Variants in ROBO1 observed in about 807,000 individuals in gnomAD.
The protein encoded by ROBO1 is roundabout homolog 1.
In ROBO1, 149 loss-of-function variants were observed where a neutral mutation model predicts 195.9. The observed-to-expected ratio is 0.76, with a 90% CI of 0.67 to 0.87. The LOEUF (loss-of-function observed/expected upper bound fraction) is 0.87. Among genes scored for constraint, ROBO1 ranks in the 40% least tolerant of loss-of-function variants. The pLI, the probability that ROBO1 is intolerant of heterozygous loss-of-function variation, is 0.00. For missense variants in ROBO1, 1,933 were observed against 2,068.3 expected, an observed-to-expected ratio of 0.93 and a Z score of 1.27; for synonymous variants, 816 against 733.2, an observed-to-expected ratio of 1.11 and a Z score of -1.82.
chr3:79,366,604 C>T (rs961575123), intron 2 of ROBO1, among the ~76,000 whole-genome samples: 1 of 152,060 alleles, frequency 6.6e-6, no homozygotes, highest in Non-Finnish European at 1.5e-5. Flanking sequence ...CTCTCTTGGA[C>T]GCAACTCCAA....
intron 2 of ROBO1, among the ~76,000 whole-genome samples, chr3:79,338,011 T>G (rs2109210031): frequency 6.6e-6 from 1 of 152,310 alleles, no homozygotes; most frequent in Middle Eastern, 3.4e-3. Context: ...CAGCAAAACC[T>G]ACAATAAAAA....
At chr3:78,770,344 T>C (rs1345961350) in intron 4 of ROBO1, among the ~76,000 whole-genome samples, 2 of 152,324 alleles carry the variant, frequency 1.3e-5, no homozygotes, top group South Asian at 2.1e-4. Context: ...TGGTATCTCA[T>C]TGTGGTTTTG....
chr3:78,663,420 T>C (rs1707545341), intron 14 of ROBO1, among the ~76,000 whole-genome samples: 1 of 152,130 alleles, frequency 6.6e-6, no homozygotes, highest in African/African-American at 2.4e-5. Context: ...AGGATAACTA[T>C]TATCACAGCC....
At chr3:79,621,572 G>C (rs1450031559) in intron 1 of ROBO1, among the ~76,000 whole-genome samples, 1 of 152,174 alleles carries the variant, frequency 6.6e-6, no homozygotes, top group Non-Finnish European at 1.5e-5. Flanking sequence ...CTTCTGAGTA[G>C]AAACCTTATA....
chr3:78,686,344 C>T (rs1377343868), intron 9 of ROBO1, among the ~76,000 whole-genome samples: 1 of 152,154 alleles, frequency 6.6e-6, no homozygotes, highest in African/African-American at 2.4e-5. Context: ...ATCACGAGGT[C>T]AGGAGATCGA....
chr3:79,588,497 C>T (rs1227791702), intron 2 of ROBO1, among the ~76,000 whole-genome samples: 1 of 151,766 alleles, frequency 6.6e-6, no homozygotes, highest in East Asian at 1.9e-4. Flanking sequence ...TATACCTAGG[C>T]TGTATCTGTA....
chr3:79,204,214 T>G lies in ROBO1; in HGVS notation c.89-78675A>C, dbSNP rs191706643. 3.0e-3 allele frequency among the ~76,000 whole-genome samples: 452 copies of G among 152,302 alleles called. 1 individual carries two copies. Among genetic ancestry groups the G allele is most frequent in the African/African-American group, 0.01 (433 of 41,580 alleles). ...TTCAAACCTCTATTTTTCCTTGTTT[T>G]GGGAACATTACAATTTTTCTCTTAC... On this transcript the variant is annotated intron_variant, in intron 2 of 30. Coordinates refer to ENST00000464233, the MANE Select transcript of ROBO1 (RefSeq NM_002941.4).
chr3:79,234,218 T>A (rs2082370177), intron 2 of ROBO1, among the ~76,000 whole-genome samples: 1 of 152,176 alleles, frequency 6.6e-6, no homozygotes, highest in African/African-American at 2.4e-5. Flanking sequence ...TTTTTGTTTT[T>A]GTTGCAATTG....
At chr3:79,187,799 A>G (rs936263763) in intron 2 of ROBO1, among the ~76,000 whole-genome samples, 3 of 151,970 alleles carry the variant, frequency 2.0e-5, no homozygotes, top group Non-Finnish European at 2.9e-5. Flanking sequence ...ACAAACCTGA[A>G]TTTATTTTAA....
intron 1 of ROBO1, among the ~76,000 whole-genome samples, chr3:79,748,733 T>G (rs1291179309): frequency 6.6e-6 from 1 of 152,116 alleles, no homozygotes; most frequent in African/African-American, 2.4e-5. Context: ...TCGGATGGCT[T>G]TAAAAACAGG....
At chr3:78,737,987 G>A (rs1326024566) in intron 5 of ROBO1, among the ~76,000 whole-genome samples, 2 of 152,146 alleles carry the variant, frequency 1.3e-5, no homozygotes, top group Non-Finnish European at 2.9e-5. Flanking sequence ...TATGACATCA[G>A]CTGTATTAAG....
rs1421702737 is a variant in ROBO1 at position 78,659,810 on chromosome 3, A to G, written c.2321-3T>C. ...ACCTTGGGGTGGGGCACTGGGTGCT[A>G]TTAAATTGTTTTAAAAGGTAGGTTA... On this transcript the variant is annotated splice_polypyrimidine_tract_variant and splice_region_variant and intron_variant, in intron 16 of 30. Coordinates refer to ENST00000464233, the MANE Select transcript of ROBO1 (RefSeq NM_002941.4). The G allele has an allele frequency of 6.3e-7, 1 of 1,599,672 alleles. No individual in the cohort carries two copies. Among genetic ancestry groups the G allele is most frequent in the East Asian group, 2.2e-5 (1 of 44,596 alleles).
rs1288859743 is a variant in ROBO1 at position 79,243,656 on chromosome 3, C to T, written c.89-118117G>A. ...TCTTTTGAGAAGTGTCTGTTCATAT[C>T]CTTCGCCCACTTTTTGATGGGGTTG... On this transcript the variant is annotated intron_variant, in intron 2 of 30. Coordinates refer to ENST00000464233, the MANE Select transcript of ROBO1 (RefSeq NM_002941.4). Among the ~76,000 whole-genome samples, 5 of 152,098 alleles carry T rather than the reference C, an allele frequency of 3.3e-5. No individual in the cohort carries two copies. The East Asian group carries it at 9.6e-4, about 29-fold the overall frequency.
intron 7 of ROBO1, 49 bp from the exon 8 acceptor site, chr3:78,714,573 A>T: frequency 6.4e-7 from 1 of 1,555,340 alleles, no homozygotes; most frequent in Non-Finnish European, 8.7e-7. Flanking sequence ...TCTACTTGAA[A>T]GATCTCATTA....
chr3:79,226,058 A>T (rs1001116300), intron 2 of ROBO1, among the ~76,000 whole-genome samples: 1 of 152,152 alleles, frequency 6.6e-6, no homozygotes, highest in Non-Finnish European at 1.5e-5. Flanking sequence ...CTTATAAGAA[A>T]ACCATTTTTT....
chr3:78,785,127 T>C (rs564316369), intron 4 of ROBO1, among the ~76,000 whole-genome samples: 10 of 152,134 alleles, frequency 6.6e-5, no homozygotes, highest in Non-Finnish European at 1.3e-4. Context: ...GAAAAAGGAG[T>C]GCTTTTGCAT....
At chr3:79,286,750 T>C (rs1367487688) in intron 2 of ROBO1, among the ~76,000 whole-genome samples, 1 of 152,136 alleles carries the variant, frequency 6.6e-6, no homozygotes, top group East Asian at 1.9e-4. Context: ...TATGTATATA[T>C]AAAATAACTG....
intron 1 of ROBO1, among the ~76,000 whole-genome samples, chr3:79,699,441 T>C (rs1947547932): frequency 6.6e-6 from 1 of 151,500 alleles, no homozygotes; most frequent in South Asian, 2.1e-4. Context: ...TACAATAACA[T>C]TCTAAATCAA....
chr3:79,660,228 C>T lies in ROBO1; in HGVS notation c.-50-70267G>A, dbSNP rs531049448. ...AACGTGGGAACACATACTCTACCAC[C>T]GAGAACTTGCAAGCCTAAGAGAGCT... is the stretch of plus-strand genomic sequence containing the variant. On this transcript the variant is annotated intron_variant, in intron 1 of 30. Transcript: ENST00000464233. 8.6e-5 allele frequency among the ~76,000 whole-genome samples: 13 copies of T among 151,974 alleles called. 1 individual carries two copies. In the East Asian group the frequency reaches 1.6e-3, roughly 18 times the overall value.
Sources: gnomAD v4.1 joint callset for allele counts (sites outside exome capture counted in the v4.1 genomes callset) on GRCh38, gnomAD v4.1.1 for gene constraint, MANE v1.5 for transcripts, NCBI Gene and HGNC (gene_info 2026-07-23, HGNC 2026-07-21) for gene names.